The following RPL18 variants were observed in gnomAD, a reference collection of about 807,000 sequenced individuals.
RPL18 encodes the protein large ribosomal subunit protein eL18.
In RPL18, 4 loss-of-function variants were observed where a neutral mutation model predicts 25.0. That is an observed-to-expected ratio of 0.16 (90% CI 0.08 to 0.37). The LOEUF is 0.37. Among genes scored for constraint, RPL18 ranks in the 10% least tolerant of loss-of-function variants. The pLI is 1.00. For synonymous variants in RPL18, 129 were observed against 101.6 expected (o/e 1.27, Z -1.62); for missense variants, 179 against 267.9 (o/e 0.67, Z 2.32).
chr19:48,615,549 T>G, intron 6 of RPL18, 102 bp from the exon 7 acceptor site: 1 of 928,836 alleles, frequency 1.1e-6, no homozygotes, highest in Non-Finnish European at 1.7e-6. Context: ...CCCAGGAGAG[T>G]CAATGCTGCT....
chr19:48,617,357 T>C lies in RPL18; in HGVS notation c.157A>G (p.Met53Val). The change falls in exon 3 of 7, where the codon ATG (methionine) becomes GTG (valine). Residue 53 changes from methionine (M) to valine (V), a missense_variant. Met to Val is a conservative substitution (Grantham distance 21). Coordinates refer to ENST00000549920, the MANE Select transcript of RPL18 (RefSeq NM_000979.4). ...FNQVVLKRLFMSRTNRPPLSL... is the reference protein window; with the variant it reads ...FNQVVLKRLFVSRTNRPPLSL... ...AGAGGCGGCCGGTTGGTGCGACTCATAAACAACCTCTTCAACACAACCTGG... is the reference window on the plus strand; with the variant it reads ...AGAGGCGGCCGGTTGGTGCGACTCACAAACAACCTCTTCAACACAACCTGG... 6.2e-7 allele frequency: 1 copy of C among 1,614,184 alleles called. No homozygotes were observed. The highest frequency in any genetic ancestry group is 1.7e-5 in the Admixed American group (1 of 60,032).
chr19:48,617,367 C>T lies in RPL18; in HGVS notation c.147G>A (p.Lys49=). 3 of 1,614,226 alleles carry T rather than the reference C, an allele frequency of 1.9e-6. No homozygotes were observed. The highest frequency in any genetic ancestry group is 2.5e-6 in the Non-Finnish European group (3 of 1,180,042). Residue 49 remains lysine (K), a synonymous_variant, in exon 3 of 7, where the codon AAG becomes AAA. Coordinates refer to ENST00000549920, the MANE Select transcript of RPL18 (RefSeq NM_000979.4). ...TNSTFNQVVL[K]RLFMSRTNRP... is the part of the protein sequence containing the mutation. ...GGTTGGTGCGACTCATAAACAACCT[C>T]TTCAACACAACCTGGTTGAATGTGG...
chr19:48,619,055 C>G, intron 1 of RPL18, 86 bp downstream of exon 1: 1 of 1,447,408 alleles, frequency 6.9e-7, no homozygotes, highest in South Asian at 1.2e-5. Context: ...CGCAGACCCC[C>G]TGCCGCCCTC....
Position 48,617,434 on chromosome 19 carries a change from G to A in RPL18, c.91-11C>T, listed in dbSNP as rs779695983. 39 of 1,599,768 alleles carry A rather than the reference G, an allele frequency of 2.4e-5. No homozygotes were observed. The highest frequency in any genetic ancestry group is 8.3e-5 in the Admixed American group (5 of 59,946). ...CAGAAACCTGTATAACTGGAGGGACGGGAAGACAGTGAGAAGCTGGGACAG... is the reference window on the plus strand; with the variant it reads ...CAGAAACCTGTATAACTGGAGGGACAGGAAGACAGTGAGAAGCTGGGACAG... On this transcript the variant is annotated splice_polypyrimidine_tract_variant and intron_variant, in intron 2 of 6. Transcript: ENST00000549920.
At position 48,616,810 on chromosome 19, in the gene RPL18, C is replaced by A; in HGVS notation, c.213G>T (p.Lys71Asn). The A allele has an allele frequency of 6.2e-7, 1 of 1,613,148 alleles. No individual in the cohort carries two copies. Among genetic ancestry groups the A allele is most frequent in the Admixed American group, 1.7e-5 (1 of 60,010 alleles). Residue 71 changes from lysine to asparagine, a missense_variant, in exon 4 of 7, where the codon AAG becomes AAT. Coordinates refer to ENST00000549920, the MANE Select transcript of RPL18 (RefSeq NM_000979.4). ...LSLSRMIRKM[K>N]LPGRENKTAV... is the part of the protein sequence containing the mutation. ...CCGTCTTGTTTTCCCGGCCAGGAAG[C>A]TTCATCTTCCGGATCTTAGGGTGGG...
chr19:48,616,067 CG>C lies in RPL18; in HGVS notation c.421+11del. On this transcript the variant is annotated intron_variant, in intron 5 of 6. Coordinates refer to ENST00000549920, the MANE Select transcript of RPL18 (RefSeq NM_000979.4). The stretch of plus-strand genomic sequence containing the variant: ...CAGCTCAGTCCAAACCCGTCGACCA[CG>C]TATCACTCACCGGAGAGCAGGACAG... 3 of 1,614,142 alleles carry C rather than the reference CG, an allele frequency of 1.9e-6. No individual in the cohort carries two copies. The highest frequency in any genetic ancestry group is 2.5e-6 in the Non-Finnish European group (3 of 1,180,006).
In RPL18 at chr19:48,617,418, G is replaced by A; in HGVS notation, c.96C>T (p.Tyr32=). 6.2e-7 allele frequency: 1 copy of A among 1,613,292 alleles called. No individual in the cohort carries two copies. The highest frequency in any genetic ancestry group is 1.3e-5 in the African/African-American group (1 of 75,044). ...AGTTGGTTCTTCTGGCCAGAAACCTGTATAACTGGAGGGACGGGAAGACAG... is the reference window on the plus strand; with the variant it reads ...AGTTGGTTCTTCTGGCCAGAAACCTATATAACTGGAGGGACGGGAAGACAG... ...DIYLRLLVKL[Y]RFLARRTNST... Residue 32 remains tyrosine, a synonymous_variant, in exon 3 of 7, where the codon TAC becomes TAT. Transcript: ENST00000549920.
At chr19:48,616,384 TC>T in intron 4 of RPL18, 182 bp from the exon 5 acceptor site, 1 of 702,878 alleles carries the variant, frequency 1.4e-6, no homozygotes, top group Non-Finnish European at 2.4e-6. Context: ...CACCACCACA[TC>T]CCTGGTGTTA....
intron 6 of RPL18, 42 bp downstream of exon 6, chr19:48,615,835 C>G: frequency 6.4e-7 from 1 of 1,553,458 alleles, no homozygotes; most frequent in Non-Finnish European, 8.8e-7. Flanking sequence ...GCCCTGCAGG[C>G]TGAGTCTGGG....
intron 1 of RPL18, chr19:48,618,891 A>G (rs1974278330): frequency 5.5e-6 from 3 of 548,432 alleles, no homozygotes; most frequent in Non-Finnish European, 3.2e-6. Context: ...TGGCTCTGCC[A>G]CTTCCTGGCT....
intron 1 of RPL18, 100 bp downstream of exon 1, chr19:48,619,041 C>A: frequency 7.7e-7 from 1 of 1,295,578 alleles, no homozygotes; most frequent in African/African-American, 1.5e-5. Flanking sequence ...TCCCTCCGGG[C>A]AGCCGCAGAC....
chr19:48,617,417 T>C lies in RPL18; in HGVS notation c.97A>G (p.Arg33Gly). The change falls in exon 3 of 7, where the codon AGG (arginine) becomes GGG (glycine). Residue 33 changes from arginine (R) to glycine (G), a missense_variant. Arg to Gly is a moderately radical substitution (Grantham distance 125). Transcript: ENST00000549920. Reference protein sequence around the residue: ...IYLRLLVKLYRFLARRTNSTF... With the variant: ...IYLRLLVKLYGFLARRTNSTF... ...GAGTTGGTTCTTCTGGCCAGAAACCTGTATAACTGGAGGGACGGGAAGACA... is the reference window on the plus strand; with the variant it reads ...GAGTTGGTTCTTCTGGCCAGAAACCCGTATAACTGGAGGGACGGGAAGACA... 6.2e-7 allele frequency: 1 copy of C among 1,613,322 alleles called. No homozygotes were observed. Among genetic ancestry groups the C allele is most frequent in the Non-Finnish European group, 8.5e-7 (1 of 1,179,266 alleles).
Position 48,615,925 on chromosome 19 carries a change from A to G in RPL18, c.443T>C (p.Val148Ala). The G allele has an allele frequency of 6.2e-7, 1 of 1,613,550 alleles. No individual in the cohort carries two copies. The highest frequency in any genetic ancestry group is 8.5e-7 in the Non-Finnish European group (1 of 1,179,782). ...TGGGGCCTTGCCGAAATGCCGGTAC[A>G]CCTCTCGGCCCTTGCGAGGACCTAG... The part of the protein sequence containing the change: ...LLSGPRKGRE[V>A]YRHFGKAPGT... Residue 148 changes from valine to alanine, a missense_variant, in exon 6 of 7, where the codon GTG becomes GCG. Val to Ala is a moderately conservative substitution (Grantham distance 64). Coordinates refer to ENST00000549920, the MANE Select transcript of RPL18 (RefSeq NM_000979.4).
chr19:48,615,719 G>A, intron 6 of RPL18, 158 bp downstream of exon 6: 1 of 710,516 alleles, frequency 1.4e-6, no homozygotes, highest in South Asian at 1.7e-5. Context: ...GCTCCAAGCA[G>A]TGTTGAAGGG....
intron 6 of RPL18, 123 bp downstream of exon 6, chr19:48,615,754 G>A (rs911666294): frequency 1.4e-5 from 12 of 858,544 alleles, no homozygotes; most frequent in Non-Finnish European, 2.1e-5. Context: ...TGAGGCAGCT[G>A]AGAGTTCCAG....
intron 4 of RPL18, chr19:48,616,423 G>A (rs1331705695): frequency 9.3e-6 from 6 of 645,928 alleles, no homozygotes; most frequent in Non-Finnish European, 1.6e-5. Context: ...AGGAAGCTGG[G>A]CCAAAAAAAG....
chr19:48,615,340 A>C lies in RPL18; in HGVS notation c.*32T>G. The C allele has an allele frequency of 6.4e-7, 1 of 1,550,524 alleles. No individual in the cohort carries two copies. The highest frequency in any genetic ancestry group is 8.8e-7 in the Non-Finnish European group (1 of 1,130,202). ...AACACACACAGAGCACTGTCAGCAA[A>C]AATCTTTTTAATAAGAGAGTAGGAT... On this transcript the variant is annotated 3_prime_UTR_variant, in exon 7 of 7. Coordinates refer to ENST00000549920, the MANE Select transcript of RPL18 (RefSeq NM_000979.4).
In RPL18 at chr19:48,617,318, T is replaced by A; in HGVS notation, c.196A>T (p.Met66Leu). Reference protein sequence around the residue: ...TNRPPLSLSRMIRKMKLPGRE... With the variant: ...TNRPPLSLSRLIRKMKLPGRE... ...TGCTCTCTGGACCAGCCACTCACCA[T>A]CCGGGAAAGGGACAGAGGCGGCCGG... Residue 66 changes from methionine (M) to leucine (L), a missense_variant and splice_region_variant, in exon 3 of 7, where the codon ATG (methionine) becomes TTG (leucine). Transcript: ENST00000549920. 6.2e-7 allele frequency: 1 copy of A among 1,613,318 alleles called. No individual in the cohort carries two copies. The highest frequency in any genetic ancestry group is 8.5e-7 in the Non-Finnish European group (1 of 1,179,360).
chr19:48,619,108 T>C (rs1974293972), intron 1 of RPL18, 33 bp downstream of exon 1: 2 of 1,590,036 alleles, frequency 1.3e-6, no homozygotes, highest in African/African-American at 2.7e-5. Flanking sequence ...GGCAGCGGAT[T>C]ATCCAGCCCC....
Sources: gnomAD v4.1 joint callset for allele counts on GRCh38, gnomAD v4.1.1 for gene constraint, MANE v1.5 for transcripts, NCBI Gene and HGNC (gene_info 2026-07-23, HGNC 2026-07-21) for gene names.